The following PTPRCAP variants were observed in gnomAD, a reference collection of about 807,000 sequenced individuals.
The protein encoded by PTPRCAP is protein tyrosine phosphatase receptor type C-associated protein.
For missense variants in PTPRCAP, 294 were observed against 285.5 expected, an observed-to-expected ratio of 1.03 and a Z score of -0.22; for synonymous variants, 136 against 135.8, an observed-to-expected ratio of 1.00 and a Z score of -0.01.
In PTPRCAP at chr11:67,435,841, G is replaced by A; in HGVS notation, c.513C>T (p.Gly171=). 6.2e-7 allele frequency: 1 copy of A among 1,608,662 alleles called. No homozygotes were observed. Among genetic ancestry groups the A allele is most frequent in the East Asian group, 2.2e-5 (1 of 44,842 alleles). The part of the protein sequence containing the change: ...LGSPGPASAG[G]SAEALLSDLH... Reference sequence around the variant, plus strand: ...GGTCACTCAGCAGGGCCTCAGCACTGCCCCCTGCGCTCGCTGGTCCTGGGG... The same window carrying A: ...GGTCACTCAGCAGGGCCTCAGCACTACCCCCTGCGCTCGCTGGTCCTGGGG... The change falls in exon 2 of 2, where the codon GGC becomes GGT. Residue 171 remains glycine (G), a synonymous_variant. Transcript: ENST00000326294.
Position 67,435,741 on chromosome 11 carries a change from C to G in PTPRCAP, c.613G>C (p.Ala205Pro). ...GACACCAAGACCGGCCTCTACAGTG[C>G]GGTGACATGGAGGCCCTGGCCCCCA... ...AAGGQGLHVTAL is the reference protein window; with the variant it reads ...AAGGQGLHVTPL Residue 205 changes from alanine (A) to proline (P), a missense_variant, in exon 2 of 2, where the codon GCA (alanine) becomes CCA (proline). Coordinates refer to ENST00000326294, the MANE Select transcript of PTPRCAP (RefSeq NM_005608.3). 1 of 1,536,894 alleles carries G rather than the reference C, an allele frequency of 6.5e-7. No individual in the cohort carries two copies. The highest frequency in any genetic ancestry group is 8.7e-7 in the Non-Finnish European group (1 of 1,143,396).
rs762876714 is a variant in PTPRCAP at position 67,436,193 on chromosome 11, CAGGCCAGTGCT to C, written c.150_160del (p.Leu52ProfsTer5). The C allele has an allele frequency of 4.5e-6, 7 of 1,552,900 alleles. No homozygotes were observed. The highest frequency in any genetic ancestry group is 2.4e-5 in the East Asian group (1 of 41,390). On this transcript the variant is annotated frameshift_variant, in exon 2 of 2. Coordinates refer to ENST00000326294, the MANE Select transcript of PTPRCAP (RefSeq NM_005608.3). LOFTEE classifies it low-confidence loss of function (END_TRUNC). ...CCCTGAGTCACGGCTGAGGCGGCGC[CAGGCCAGTGCT>C]AGGCCAGTGGCCAGCAGTAGGAGCA...
At chr11:67,436,572 A>G in intron 1 of PTPRCAP, 1 of 457,724 alleles carries the variant, frequency 2.2e-6, no homozygotes. Flanking sequence ...CTCCCCCAAC[A>G]GCTGCATTAA....
At chr11:67,436,425 A>C in intron 1 of PTPRCAP, 75 bp from the exon 2 acceptor site, 3 of 1,407,774 alleles carry the variant, frequency 2.1e-6, no homozygotes, top group Non-Finnish European at 2.8e-6. Context: ...CTGGGTGACC[A>C]AGACCACTTT....
rs778192803 is a variant in PTPRCAP at position 67,435,707 on chromosome 11, CAG to C, written c.*24_*25del. On this transcript the variant is annotated 3_prime_UTR_variant, in exon 2 of 2. Coordinates refer to ENST00000326294, the MANE Select transcript of PTPRCAP (RefSeq NM_005608.3). ...AGGCACGGGGAGTGAGCGGCTGTGACAGGGATGGGACACCAAGACCGGCCTCT... is the reference window on the plus strand; with the variant it reads ...AGGCACGGGGAGTGAGCGGCTGTGACGGATGGGACACCAAGACCGGCCTCT... The C allele has an allele frequency of 4.0e-6, 6 of 1,500,094 alleles. No homozygotes were observed. Among genetic ancestry groups the C allele is most frequent in the Non-Finnish European group, 5.3e-6 (6 of 1,129,906 alleles). 92.9% of individuals were successfully genotyped at this position (1,500,094 alleles called of 1,614,324 possible). A position where few individuals can be genotyped will look rare whatever the true frequency, so the allele number is the denominator to read the frequency against.
chr11:67,436,225 GAGC>G lies in PTPRCAP; in HGVS notation c.126_128del (p.Leu46del), dbSNP rs761732400. 49 of 1,545,676 alleles carry G rather than the reference GAGC, an allele frequency of 3.2e-5. No individual in the cohort carries two copies. The highest frequency in any genetic ancestry group is 9.8e-5 in the Admixed American group (5 of 51,230). ...GTGCTAGGCCAGTGGCCAGCAGTAG[GAGC>G]AGCAGCAGCAGCAGGACAACGGTGA... On this transcript the variant is annotated inframe_deletion, in exon 2 of 2. Transcript: ENST00000326294.
chr11:67,435,707 C>G lies in PTPRCAP; in HGVS notation c.*26G>C. 6.7e-7 allele frequency: 1 copy of G among 1,500,212 alleles called. No individual in the cohort carries two copies. The highest frequency in any genetic ancestry group is 1.3e-5 in the South Asian group (1 of 75,396). 92.9% of individuals were successfully genotyped at this position (1,500,212 alleles called of 1,614,324 possible). On this transcript the variant is annotated 3_prime_UTR_variant, in exon 2 of 2. Transcript: ENST00000326294. ...AGGCACGGGGAGTGAGCGGCTGTGA[C>G]AGGGATGGGACACCAAGACCGGCCT...
intron 1 of PTPRCAP, chr11:67,437,234 C>T (rs1205510601): frequency 2.5e-5 from 5 of 197,840 alleles, no homozygotes; most frequent in Non-Finnish European, 5.1e-5. Context: ...GGCGCAGCTG[C>T]CAGAGGAAGT....
Position 67,436,049 on chromosome 11 carries a change from TTGTC to T in PTPRCAP, c.301_304del (p.Asp101MetfsTer76), listed in dbSNP as rs1312898042. ...CTCATCCTCCTGTCGCTCAAGGTCA[TTGTC>T]TGTGGACCCCAGCTCAGCTCGGGCC... On this transcript the variant is annotated frameshift_variant, in exon 2 of 2. Coordinates refer to ENST00000326294, the MANE Select transcript of PTPRCAP (RefSeq NM_005608.3). LOFTEE classifies it low-confidence loss of function (END_TRUNC). The T allele has an allele frequency of 1.2e-6, 2 of 1,613,470 alleles. No homozygotes were observed. The highest frequency in any genetic ancestry group is 3.3e-5 in the Admixed American group (2 of 60,000).
At chr11:67,437,584 C>T (rs1408425060) in intron 1 of PTPRCAP, 33 bp downstream of exon 1, 2 of 1,346,030 alleles carry the variant, frequency 1.5e-6, no homozygotes, top group African/African-American at 1.5e-5. Flanking sequence ...CTGTGGCCCC[C>T]ATCCCAAGAA....
In PTPRCAP at chr11:67,437,635, T is replaced by C; in HGVS notation, c.-16A>G. On this transcript the variant is annotated 5_prime_UTR_variant, in exon 1 of 2. Transcript: ENST00000326294. Reference sequence around the variant, plus strand: ...GGCTTACCATTGGTCCGCAGGCCCCTCCGTGCCGGGCACCCACCTCCAGCT... The same window carrying C: ...GGCTTACCATTGGTCCGCAGGCCCCCCCGTGCCGGGCACCCACCTCCAGCT... 2 of 1,365,468 alleles carry C rather than the reference T, an allele frequency of 1.5e-6. No individual in the cohort carries two copies. The highest frequency in any genetic ancestry group is 1.9e-6 in the Non-Finnish European group (2 of 1,050,732). The allele number at this position is 1,365,468 out of a possible 1,614,324, so 84.6% of individuals were successfully genotyped here.
Position 67,435,791 on chromosome 11 carries a change from G to T in PTPRCAP, c.563C>A (p.Ala188Asp). 1 of 1,588,758 alleles carries T rather than the reference G, an allele frequency of 6.3e-7. No individual in the cohort carries two copies. The change falls in exon 2 of 2, where the codon GCC becomes GAC. Residue 188 changes from alanine to aspartate, a missense_variant. Coordinates refer to ENST00000326294, the MANE Select transcript of PTPRCAP (RefSeq NM_005608.3). Reference sequence around the variant, plus strand: ...AGCTGCCCTGGCGCTGTCATCCCAGGCTGCGCTGCCAGCAAAGGCGTGCAG... The same window carrying T: ...AGCTGCCCTGGCGCTGTCATCCCAGTCTGCGCTGCCAGCAAAGGCGTGCAG... ...SDLHAFAGSA[A>D]WDDSARAAGG... is the part of the protein sequence containing the mutation.
chr11:67,436,089 G>A lies in PTPRCAP; in HGVS notation c.265C>T (p.Arg89Cys), dbSNP rs566068397. 7 of 1,610,984 alleles carry A rather than the reference G, an allele frequency of 4.3e-6. No individual in the cohort carries two copies. The highest frequency in any genetic ancestry group is 2.2e-5 in the South Asian group (2 of 90,750). Residue 89 changes from arginine (R) to cysteine (C), a missense_variant, in exon 2 of 2, where the codon CGC becomes TGC. By Grantham distance (180) the Arg-to-Cys change is radical. Coordinates refer to ENST00000326294, the MANE Select transcript of PTPRCAP (RefSeq NM_005608.3). ...RRLLWASPPG[R>C]WLQARAELGS... is the part of the protein sequence containing the mutation. ...AGCTCAGCTCGGGCCTGCAGCCAGC[G>A]ACCTGGGGGGCTGGCCCAGAGCAGG... is the stretch of plus-strand genomic sequence containing the variant.
rs758163979 is a variant in PTPRCAP, at chr11:67,436,033, C to T, written c.321G>A (p.Gln107=). Residue 107 remains glutamine (Q), a synonymous_variant, in exon 2 of 2, where the codon CAG becomes CAA. Coordinates refer to ENST00000326294, the MANE Select transcript of PTPRCAP (RefSeq NM_005608.3). ...LGSTDNDLER[Q]EDEQDTDYDH... is the part of the protein sequence containing the mutation. ...CATAGTCTGTGTCCTGCTCATCCTCCTGTCGCTCAAGGTCATTGTCTGTGG... is the reference window on the plus strand; with the variant it reads ...CATAGTCTGTGTCCTGCTCATCCTCTTGTCGCTCAAGGTCATTGTCTGTGG... 1.2e-6 allele frequency: 2 copies of T among 1,613,682 alleles called. No individual in the cohort carries two copies. The highest frequency in any genetic ancestry group is 2.2e-5 in the South Asian group (2 of 91,078).
chr11:67,436,074 G>T lies in PTPRCAP; in HGVS notation c.280C>A (p.Arg94=). The change falls in exon 2 of 2, where the codon CGA becomes AGA. Residue 94 remains arginine, a synonymous_variant. Coordinates refer to ENST00000326294, the MANE Select transcript of PTPRCAP (RefSeq NM_005608.3). The part of the protein sequence containing the change: ...ASPPGRWLQA[R]AELGSTDNDL... ...TTGTCTGTGGACCCCAGCTCAGCTCGGGCCTGCAGCCAGCGACCTGGGGGG... is the reference window on the plus strand; with the variant it reads ...TTGTCTGTGGACCCCAGCTCAGCTCTGGCCTGCAGCCAGCGACCTGGGGGG... 6.2e-7 allele frequency: 1 copy of T among 1,612,396 alleles called. No homozygotes were observed. Among genetic ancestry groups the T allele is most frequent in the Non-Finnish European group, 8.5e-7 (1 of 1,179,504 alleles).
chr11:67,435,751 G>A lies in PTPRCAP; in HGVS notation c.603C>T (p.Leu201=), dbSNP rs531468539. 1 of 1,546,058 alleles carries A rather than the reference G, an allele frequency of 6.5e-7. No individual in the cohort carries two copies. The highest frequency in any genetic ancestry group is 8.7e-7 in the Non-Finnish European group (1 of 1,147,538). ...CCGGCCTCTACAGTGCGGTGACATG[G>A]AGGCCCTGGCCCCCAGCTGCCCTGG... The part of the protein sequence containing the change: ...DSARAAGGQG[L]HVTAL Residue 201 remains leucine, a synonymous_variant, in exon 2 of 2, where the codon CTC becomes CTT. Transcript: ENST00000326294.
At chr11:67,437,551 C>A in intron 1 of PTPRCAP, 66 bp downstream of exon 1, 1 of 1,329,876 alleles carries the variant, frequency 7.5e-7, no homozygotes, top group Non-Finnish European at 9.7e-7. Context: ...CTCCACAGGC[C>A]CAGACATTCT....
Position 67,436,249 on chromosome 11 carries a change from G to T in PTPRCAP, c.105C>A (p.Thr35=). The T allele has an allele frequency of 6.5e-7, 1 of 1,545,384 alleles. No individual in the cohort carries two copies. Reference sequence around the variant, plus strand: ...GGAGCAGCAGCAGCAGCAGGACAACGGTGACAGAGCTGGAGCCCACGCTGT... The same window carrying T: ...GGAGCAGCAGCAGCAGCAGGACAACTGTGACAGAGCTGGAGCCCACGCTGT... ...AEDSVGSSSV[T]VVLLLLLLLL... Residue 35 remains threonine (T), a synonymous_variant, in exon 2 of 2, where the codon ACC becomes ACA. Coordinates refer to ENST00000326294, the MANE Select transcript of PTPRCAP (RefSeq NM_005608.3).
rs758742478 is a variant in PTPRCAP, at chr11:67,435,825, G to A, written c.529C>T (p.Leu177=). Reference sequence around the variant, plus strand: ...CCAGCAAAGGCGTGCAGGTCACTCAGCAGGGCCTCAGCACTGCCCCCTGCG... The same window carrying A: ...CCAGCAAAGGCGTGCAGGTCACTCAACAGGGCCTCAGCACTGCCCCCTGCG... ...ASAGGSAEAL[L]SDLHAFAGSA... is the part of the protein sequence containing the mutation. Residue 177 remains leucine, a synonymous_variant, in exon 2 of 2, where the codon CTG becomes TTG. Transcript: ENST00000326294. The A allele has an allele frequency of 3.5e-5, 56 of 1,605,502 alleles. No individual in the cohort carries two copies. The Admixed American group carries it at 8.0e-4, about 23-fold the overall frequency.
Sources: gnomAD v4.1 joint callset for allele counts on GRCh38, gnomAD v4.1.1 for gene constraint, MANE v1.5 for transcripts, NCBI Gene and HGNC (gene_info 2026-07-23, HGNC 2026-07-21) for gene names.